Variants in KRT14 observed in about 807,000 individuals in gnomAD.
KRT14 encodes the protein keratin, type I cytoskeletal 14.
In KRT14, 30 loss-of-function variants were observed where a neutral mutation model predicts 44.5. The observed-to-expected ratio is 0.67, with a 90% CI of 0.50 to 0.92. The LOEUF is 0.92. KRT14 is among the 40% of genes least tolerant of loss of function. The pLI is 0.00. For missense variants in KRT14, 535 were observed against 640.6 expected, an observed-to-expected ratio of 0.84 and a Z score of 1.78; for synonymous variants, 241 against 257.6, an observed-to-expected ratio of 0.94 and a Z score of 0.62.
Position 41,584,033 on chromosome 17 carries a change from TTCTCTCTCTCTCTCTCAATC to T in KRT14, c.766-132_766-113del, listed in dbSNP as rs796162362. ...ATCACAATTCTATCTCGACTCTCCC[TTCTCTCTCTCTCTCTCAATC>T]TCTCTCTCTCTCTCTCTTTTTTTTT... On this transcript the variant is annotated intron_variant, in intron 3 of 7. Coordinates refer to ENST00000167586, the MANE Select transcript of KRT14 (RefSeq NM_000526.5). 1,816 of 792,936 alleles carry T rather than the reference TTCTCTCTCTCTCTCTCAATC, an allele frequency of 2.3e-3. 51 individuals carry two copies. In the African/African-American group the frequency reaches 0.029, roughly 13 times the overall value. The allele number at this position is 792,936 out of a possible 1,614,324, so 49.1% of individuals were successfully genotyped here. A position where few individuals can be genotyped will look rare whatever the true frequency, so the allele number is the denominator to read the frequency against.
chr17:41,585,019 CAGA>C lies in KRT14; in HGVS notation c.561_563del (p.Leu188del), dbSNP rs753793408. 2.5e-6 allele frequency: 4 copies of C among 1,614,200 alleles called. No homozygotes were observed. Among genetic ancestry groups the C allele is most frequent in the Admixed American group, 1.7e-5 (1 of 60,034 alleles). On this transcript the variant is annotated inframe_deletion, in exon 2 of 8. Coordinates refer to ENST00000167586, the MANE Select transcript of KRT14 (RefSeq NM_000526.5). Reference sequence around the variant, plus strand: ...CGGCCAGACGGGCATTGTCAATCTGCAGAAGGACATTGGCATTGTCCACTGTGG... The same window carrying C: ...CGGCCAGACGGGCATTGTCAATCTGCAGGACATTGGCATTGTCCACTGTGG...
rs1440821339 is a variant in KRT14, at chr17:41,582,386, T to C, written c.*49A>G. 7.2e-7 allele frequency: 1 copy of C among 1,397,904 alleles called. No individual in the cohort carries two copies. Among genetic ancestry groups the C allele is most frequent in the African/African-American group, 1.4e-5 (1 of 69,876 alleles). 86.6% of individuals were successfully genotyped at this position (1,397,904 alleles called of 1,614,324 possible). On this transcript the variant is annotated 3_prime_UTR_variant, in exon 8 of 8. Transcript: ENST00000167586. ...CAGGAGAGGGGATCTTCCAGTGGGA[T>C]CTGTGTCCACACGGGGGGCCTCCTA...
At chr17:41,584,932 C>A (rs1907477347) in intron 2 of KRT14, 43 bp downstream of exon 2, 2 of 1,505,800 alleles carry the variant, frequency 1.3e-6, no homozygotes, top group African/African-American at 2.8e-5. Context: ...AAATGCCCTA[C>A]TCTGGGGACA....
chr17:41,585,267 G>T (rs1337234703), intron 1 of KRT14, among the ~76,000 whole-genome samples: 2 of 152,172 alleles, frequency 1.3e-5, no homozygotes, highest in Non-Finnish European at 2.9e-5. Context: ...GGTAGATGCA[G>T]CCCCGGGCTT....
chr17:41,585,532 A>G lies in KRT14; in HGVS notation c.526-475T>C, dbSNP rs1463892197. On this transcript the variant is annotated intron_variant, in intron 1 of 7. Coordinates refer to ENST00000167586, the MANE Select transcript of KRT14 (RefSeq NM_000526.5). The stretch of plus-strand genomic sequence containing the variant: ...GAACTTTCTCAAGAGATAAAACCCA[A>G]CTAACACAGGGGATTAGAAAAGAGG... 2.0e-5 allele frequency among the ~76,000 whole-genome samples: 3 copies of G among 152,180 alleles called. No individual in the cohort carries two copies. In the East Asian group the frequency reaches 5.8e-4, roughly 29 times the overall value.
At chr17:41,582,962 G>A in intron 7 of KRT14, 132 bp downstream of exon 7, 1 of 888,224 alleles carries the variant, frequency 1.1e-6, no homozygotes, top group East Asian at 2.4e-5. Context: ...TTCCACCCAA[G>A]GAGGTTCACA....
chr17:41,582,881 C>T, intron 7 of KRT14: 1 of 626,020 alleles, frequency 1.6e-6, no homozygotes, highest in Non-Finnish European at 2.9e-6. Flanking sequence ...GGATCTGCCA[C>T]AGACACCACG....
At position 41,586,762 on chromosome 17, in the gene KRT14, C is replaced by T. The variant is rs556526711; in HGVS notation, c.73G>A (p.Gly25Arg). 53 of 1,581,312 alleles carry T rather than the reference C, an allele frequency of 3.4e-5. No individual in the cohort carries two copies. The highest frequency in any genetic ancestry group is 1.2e-4 in the East Asian group (5 of 42,552). ...KGSCGIGGGI[G>R]GGSSRISSVL... is the part of the protein sequence containing the mutation. The stretch of plus-strand genomic sequence containing the variant: ...GAGGAGATGCGGCTGGAGCCGCCCC[C>T]GATGCCGCCCCCGATGCCGCAGGAG... Residue 25 changes from glycine (G) to arginine (R), a missense_variant, in exon 1 of 8, where the codon GGG becomes AGG. By Grantham distance (125) the Gly-to-Arg change is moderately radical. Coordinates refer to ENST00000167586, the MANE Select transcript of KRT14 (RefSeq NM_000526.5).
At position 41,586,790 on chromosome 17, in the gene KRT14, C is replaced by T. The variant is rs1907552492; in HGVS notation, c.45G>A (p.Lys15=). The T allele has an allele frequency of 1.3e-6, 2 of 1,591,708 alleles. No homozygotes were observed. Among genetic ancestry groups the T allele is most frequent in the Non-Finnish European group, 1.7e-6 (2 of 1,171,008 alleles). The change falls in exon 1 of 8, where the codon AAG becomes AAA. Residue 15 remains lysine (K), a synonymous_variant. Transcript: ENST00000167586. ...TGCCGCCCCCGATGCCGCAGGAGCCCTTCATGGAGCTGGAGGAGGTGAACT... is the reference window on the plus strand; with the variant it reads ...TGCCGCCCCCGATGCCGCAGGAGCCTTTCATGGAGCTGGAGGAGGTGAACT... ...SRQFTSSSSM[K]GSCGIGGGIG... is the part of the protein sequence containing the mutation.
At chr17:41,584,832 C>T in intron 2 of KRT14, 143 bp downstream of exon 2, 1 of 720,580 alleles carries the variant, frequency 1.4e-6, no homozygotes, top group Non-Finnish European at 2.5e-6. Flanking sequence ...GGGTGGGGCC[C>T]AAGAGTCTTA....
chr17:41,583,203 G>GC lies in KRT14; in HGVS notation c.1274+31_1274+32insG, dbSNP rs776207059. On this transcript the variant is annotated intron_variant, in intron 6 of 7. Transcript: ENST00000167586. Reference sequence around the variant, plus strand: ...GGTGGGGCCGTGAGAGTGCCATGGGGGGGGCGGACTAAGGGGAGGGCCAAG... The same window carrying GC: ...GGTGGGGCCGTGAGAGTGCCATGGGGCGGGGCGGACTAAGGGGAGGGCCAAG... The GC allele has an allele frequency of 8.1e-6, 13 of 1,613,108 alleles. No individual in the cohort carries two copies. The African/African-American group carries it at 1.7e-4, about 22-fold the overall frequency.
rs1907472134 is a variant in KRT14 at position 41,584,802 on chromosome 17, T to G, written c.608+173A>C. ...AATCACCCAGGTAACCTGCTATAAATAGCTGAATCAAAACTCCAAGGGTGG... is the reference window on the plus strand; with the variant it reads ...AATCACCCAGGTAACCTGCTATAAAGAGCTGAATCAAAACTCCAAGGGTGG... On this transcript the variant is annotated intron_variant, in intron 2 of 7. Coordinates refer to ENST00000167586, the MANE Select transcript of KRT14 (RefSeq NM_000526.5). 2.6e-5 allele frequency among the ~76,000 whole-genome samples: 4 copies of G among 152,174 alleles called. No individual in the cohort carries two copies. The South Asian group carries it at 8.3e-4, about 31-fold the overall frequency.
At chr17:41,586,131 G>A (rs773307354) in intron 1 of KRT14, among the ~76,000 whole-genome samples, 179 bp downstream of exon 1, 19 of 152,240 alleles carry the variant, frequency 1.2e-4, no homozygotes, top group Non-Finnish European at 2.9e-5. Flanking sequence ...GGATGAGGAG[G>A]CTGGGGAAGG....
intron 7 of KRT14, chr17:41,582,803 CAATGG>C: frequency 1.7e-6 from 1 of 602,002 alleles, no homozygotes; most frequent in South Asian, 2.0e-5. Context: ...CATATTCACC[CAATGG>C]AGTGGTCTCA....
intron 2 of KRT14, among the ~76,000 whole-genome samples, chr17:41,584,639 G>C (rs965431141): frequency 6.6e-6 from 1 of 152,134 alleles, no homozygotes; most frequent in African/African-American, 2.4e-5. Flanking sequence ...ATCAGGAGGG[G>C]GTTGCACTTC....
At position 41,585,045 on chromosome 17, in the gene KRT14, T is replaced by C. The variant is rs1410283559; in HGVS notation, c.538A>G (p.Thr180Ala). Residue 180 changes from threonine (T) to alanine (A), a missense_variant, in exon 2 of 8, where the codon ACA becomes GCA. Coordinates refer to ENST00000167586, the MANE Select transcript of KRT14 (RefSeq NM_000526.5). ...EDLRNKILTA[T>A]VDNANVLLQI... ...AGAAGGACATTGGCATTGTCCACTGTGGCTGTGAGAATCTGCAGGATGGAA... is the reference window on the plus strand; with the variant it reads ...AGAAGGACATTGGCATTGTCCACTGCGGCTGTGAGAATCTGCAGGATGGAA... The C allele has an allele frequency of 5.0e-6, 8 of 1,613,782 alleles. No homozygotes were observed. The highest frequency in any genetic ancestry group is 6.8e-6 in the Non-Finnish European group (8 of 1,179,738).
rs778192358 is a variant in KRT14 at position 41,586,569 on chromosome 17, C to T, written c.266G>A (p.Gly89Asp). Residue 89 changes from glycine (G) to aspartate (D), a missense_variant, in exon 1 of 8, where the codon GGT becomes GAT. Coordinates refer to ENST00000167586, the MANE Select transcript of KRT14 (RefSeq NM_000526.5). ...ACCCAAGCCAGCACCAAGGCCACCA[C>T]CATATCCTCCCCCAAAGCCACTACC... ...SFGSGFGGGYGGGLGAGLGGG... is the reference protein window; with the variant it reads ...SFGSGFGGGYDGGLGAGLGGG... The T allele has an allele frequency of 1.2e-6, 2 of 1,613,868 alleles. No individual in the cohort carries two copies. Among genetic ancestry groups the T allele is most frequent in the Non-Finnish European group, 1.7e-6 (2 of 1,179,874 alleles).
intron 2 of KRT14, among the ~76,000 whole-genome samples, chr17:41,584,699 C>A (rs1907469000): frequency 6.6e-6 from 1 of 152,196 alleles, no homozygotes; most frequent in Admixed American, 6.5e-5. Flanking sequence ...TGATTCCTTC[C>A]TATACTTCAA....
At chr17:41,584,833 A>G in intron 2 of KRT14, 142 bp downstream of exon 2, 2 of 721,532 alleles carry the variant, frequency 2.8e-6, no homozygotes, top group Non-Finnish European at 5.0e-6. Flanking sequence ...GGTGGGGCCC[A>G]AGAGTCTTAT....
Sources: gnomAD v4.1 joint callset for allele counts (sites outside exome capture counted in the v4.1 genomes callset) on GRCh38, gnomAD v4.1.1 for gene constraint, MANE v1.5 for transcripts, NCBI Gene and HGNC (gene_info 2026-07-23, HGNC 2026-07-21) for gene names.